The following DNAI2 variants were observed in gnomAD, a reference collection of about 807,000 sequenced individuals.
DNAI2 encodes the protein dynein axonemal intermediate chain 2.
Under a neutral mutation model 74.7 loss-of-function variants are expected in DNAI2, and 63 were observed. That is an observed-to-expected ratio of 0.84 (90% CI 0.69 to 1.04). The LOEUF (loss-of-function observed/expected upper bound fraction) is 1.04. Ranked by LOEUF, DNAI2 falls within the 50% of genes least tolerant of loss-of-function variation. The pLI is 0.00. For missense variants in DNAI2, 688 were observed against 803.2 expected (o/e 0.86, Z 1.73); for synonymous variants, 289 against 314.9 (o/e 0.92, Z 0.87).
Position 74,300,469 on chromosome 17 carries a change from G to A in DNAI2, c.865-577G>A, listed in dbSNP as rs183234614. 1.1e-3 allele frequency among the ~76,000 whole-genome samples: 161 copies of A among 152,108 alleles called. 1 individual carries two copies. Among genetic ancestry groups the A allele is most frequent in the Non-Finnish European group, 1.9e-3 (126 of 67,990 alleles). ...ACACTTCACACACTATTCTGTACTC[G>A]ATGTTTTCCATTGTGTGTACCTTGG... On this transcript the variant is annotated intron_variant, in intron 7 of 13. Coordinates refer to ENST00000311014, the MANE Select transcript of DNAI2 (RefSeq NM_023036.6). The surrounding 1 kb of genome is among the most constrained non-coding windows in gnomAD (Gnocchi z 4.5).
At chr17:74,285,308 A>G (rs1267735654) in intron 3 of DNAI2, 107 bp downstream of exon 3, 2 of 1,413,870 alleles carry the variant, frequency 1.4e-6, no homozygotes, top group Non-Finnish European at 2.0e-6. Flanking sequence ...GGCTCGTGTG[A>G]ATGCTGGGGG....
At chr17:74,314,421 T>G in intron 13 of DNAI2, 150 bp downstream of exon 13, 1 of 1,106,926 alleles carries the variant, frequency 9.0e-7, no homozygotes, top group African/African-American at 1.5e-5. Context: ...AGCCACCCCT[T>G]GGAGAGAGGG....
At position 74,293,220 on chromosome 17, in the gene DNAI2, G is replaced by A. The variant is rs565486497; in HGVS notation, c.724+2087G>A. Among the ~76,000 whole-genome samples the A allele has an allele frequency of 2.6e-5, 4 of 152,262 alleles. No homozygotes were observed. The East Asian group carries it at 5.8e-4, about 22-fold the overall frequency. On this transcript the variant is annotated intron_variant, in intron 6 of 13. Transcript: ENST00000311014. ...TATTTCCTTGTTGATCTTTCACGTA[G>A]TAATTATGTCTATTATTGAAAGTAG...
chr17:74,306,093 C>T (rs553555702), intron 9 of DNAI2, among the ~76,000 whole-genome samples: 1 of 152,368 alleles, frequency 6.6e-6, no homozygotes, highest in East Asian at 1.9e-4. Context: ...CTCCTGCTCT[C>T]CCAGCTAGTG....
rs774323743 is a variant in DNAI2 at position 74,301,128 on chromosome 17, A to T, written c.947A>T (p.Asn316Ile). The T allele has an allele frequency of 1.9e-6, 3 of 1,614,050 alleles. No individual in the cohort carries two copies. In the Admixed American group the frequency reaches 5.0e-5, roughly 27 times the overall value. Residue 316 changes from asparagine (N) to isoleucine (I), a missense_variant, in exon 8 of 14, where the codon AAT (asparagine) becomes ATT (isoleucine). By Grantham distance (149) the Asn-to-Ile change is moderately radical. Transcript: ENST00000311014. Reference protein sequence around the residue: ...LDITKKEQLENALGAISLEFE... With the variant: ...LDITKKEQLEIALGAISLEFE... Reference sequence around the variant, plus strand: ...ATCACCAAGAAGGAACAGTTGGAAAATGCCTTGGGGGCCATCTCCCTGGAG... The same window carrying T: ...ATCACCAAGAAGGAACAGTTGGAAATTGCCTTGGGGGCCATCTCCCTGGAG...
chr17:74,296,117 T>G (rs1369943810), intron 6 of DNAI2, among the ~76,000 whole-genome samples: 1 of 152,204 alleles, frequency 6.6e-6, no homozygotes, highest in African/African-American at 2.4e-5. Flanking sequence ...TGTCAGATCT[T>G]TTCAAAGCCC....
chr17:74,284,938 C>A (rs931727488), intron 2 of DNAI2, 102 bp from the exon 3 acceptor site: 2 of 1,491,192 alleles, frequency 1.3e-6, no homozygotes, highest in Non-Finnish European at 1.9e-6. Flanking sequence ...GGCGCCTCAG[C>A]ATCCAGCCCT....
rs374347041 is a variant in DNAI2, at chr17:74,287,130, C to T, written c.467+32C>T. On this transcript the variant is annotated intron_variant, in intron 4 of 13. Transcript: ENST00000311014. ...CCATAGCCAGGCAGGTGTCTGGCCA[C>T]CCTCCGTCACCCCCATGCATGGGCG... 6 of 1,611,574 alleles carry T rather than the reference C, an allele frequency of 3.7e-6. No homozygotes were observed. In the African/African-American group the frequency reaches 6.7e-5, roughly 18 times the overall value.
chr17:74,284,363 G>T (rs2051573866), intron 2 of DNAI2, among the ~76,000 whole-genome samples: 1 of 152,104 alleles, frequency 6.6e-6, no homozygotes, highest in Non-Finnish European at 1.5e-5. Context: ...TCAGTGATAG[G>T]GTGGCATTGT....
rs766644122 is a variant in DNAI2 at position 74,287,083 on chromosome 17, C to T, written c.452C>T (p.Thr151Ile). 8 of 1,613,900 alleles carry T rather than the reference C, an allele frequency of 5.0e-6. No homozygotes were observed. The South Asian group carries it at 5.5e-5, about 11-fold the overall frequency. The change falls in exon 4 of 14, where the codon ACC (threonine) becomes ATC (isoleucine). Residue 151 changes from threonine (T) to isoleucine (I), a missense_variant. Physicochemically the swap from Thr to Ile is moderately conservative, Grantham distance 89 (BLOSUM62 -1). Transcript: ENST00000311014. ...ATGGAGGAGGACCCTTCAGCTAAAACCATCAATGTGTTCAGGTAGCGCCAT... is the reference window on the plus strand; with the variant it reads ...ATGGAGGAGGACCCTTCAGCTAAAATCATCAATGTGTTCAGGTAGCGCCAT... ...EVMEEDPSAK[T>I]INVFRDPQEI...
At chr17:74,284,101 G>A (rs905754052) in intron 2 of DNAI2, among the ~76,000 whole-genome samples, 2 of 146,136 alleles carry the variant, frequency 1.4e-5, no homozygotes, top group South Asian at 4.4e-4. Context: ...TTCCGCCATT[G>A]CATTCCAGCC....
chr17:74,276,174 G>T (rs757969084), intron 1 of DNAI2, among the ~76,000 whole-genome samples: 5 of 152,144 alleles, frequency 3.3e-5, no homozygotes, highest in Non-Finnish European at 7.3e-5. Flanking sequence ...GTTCTCTCCA[G>T]GAATTACTTT....
At chr17:74,312,895 C>T (rs2053618881) in intron 12 of DNAI2, among the ~76,000 whole-genome samples, 1 of 152,054 alleles carries the variant, frequency 6.6e-6, no homozygotes, top group South Asian at 2.1e-4. Flanking sequence ...TCCTTCAGGC[C>T]CCACAGATAA....
At chr17:74,297,709 C>T (rs1048356475) in intron 6 of DNAI2, among the ~76,000 whole-genome samples, 1 of 150,932 alleles carries the variant, frequency 6.6e-6, no homozygotes, top group Non-Finnish European at 1.5e-5. Flanking sequence ...TTTTTAATCT[C>T]CAGTGAGATC....
Position 74,310,131 on chromosome 17 carries a change from C to A in DNAI2, c.1462C>A (p.Leu488Ile). 6.2e-7 allele frequency: 1 copy of A among 1,613,796 alleles called. No homozygotes were observed. The highest frequency in any genetic ancestry group is 8.5e-7 in the Non-Finnish European group (1 of 1,180,028). ...LLEVSPGLSTLQRNEKNVASS... is the reference protein window; with the variant it reads ...LLEVSPGLSTIQRNEKNVASS... ...GGAGGTCTCGCCTGGGCTCTCTACC[C>A]TCCAGAGGAATGAGAAGAACGTAGC... The change falls in exon 11 of 14, where the codon CTC (leucine) becomes ATC (isoleucine). Residue 488 changes from leucine (L) to isoleucine (I), a missense_variant. Transcript: ENST00000311014.
intron 11 of DNAI2, 31 bp downstream of exon 11, chr17:74,310,194 C>T: frequency 3.7e-6 from 6 of 1,609,790 alleles, no homozygotes; most frequent in Non-Finnish European, 5.1e-6. Context: ...GAAAATCCCT[C>T]CAGCACGTCC....
At position 74,281,867 on chromosome 17, in the gene DNAI2, A is replaced by C. The variant is rs777425543; in HGVS notation, c.50A>C (p.Gln17Pro). The change falls in exon 2 of 14, where the codon CAG (glutamine) becomes CCG (proline). Residue 17 changes from glutamine to proline, a missense_variant. Physicochemically the swap from Gln to Pro is moderately conservative, Grantham distance 76. Coordinates refer to ENST00000311014, the MANE Select transcript of DNAI2 (RefSeq NM_023036.6). ...YVKKRSEFGK[Q>P]CNFSDRQAEL... ...AAGAAGCGCAGCGAGTTCGGGAAGC[A>C]GTGCAATTTCTCGGACCGCCAGGCC... 6 of 1,614,168 alleles carry C rather than the reference A, an allele frequency of 3.7e-6. No individual in the cohort carries two copies. Among genetic ancestry groups the C allele is most frequent in the Admixed American group, 1.7e-5 (1 of 60,024 alleles).
At chr17:74,295,488 T>C (rs1445148310) in intron 6 of DNAI2, among the ~76,000 whole-genome samples, 1 of 152,242 alleles carries the variant, frequency 6.6e-6, no homozygotes, top group African/African-American at 2.4e-5. Flanking sequence ...GTTCTTTTGA[T>C]GTGACTTCCT....
intron 2 of DNAI2, 51 bp from the exon 3 acceptor site, chr17:74,284,989 G>A: frequency 6.2e-7 from 1 of 1,612,954 alleles, no homozygotes; most frequent in Non-Finnish European, 8.5e-7. Context: ...GTGGCCGAGG[G>A]TTTGGGAGTA....
Sources: allele counts gnomAD v4.1 joint callset (sites outside exome capture counted in the v4.1 genomes callset), GRCh38; gene constraint gnomAD v4.1.1; non-coding constraint Gnocchi (gnomAD v3.1); transcripts MANE v1.5; gene names NCBI Gene and HGNC (gene_info 2026-07-23, HGNC 2026-07-21).